ZNF585A: variants seen among roughly 807,000 people sequenced by gnomAD.
ZNF585A encodes the protein zinc finger protein 585A.
ZNF585A carries 9 observed loss-of-function variants against 14.9 expected under a neutral mutation model. That is an observed-to-expected ratio of 0.60 (90% CI 0.36 to 1.05). ZNF585A has a LOEUF of 1.05. ZNF585A is among the 50% of genes least tolerant of loss of function. ZNF585A has a pLI of 0.01. For missense variants in ZNF585A, 726 were observed against 926.4 expected (o/e 0.78, Z 2.81); for synonymous variants, 276 against 319.9 (o/e 0.86, Z 1.46).
Position 37,155,853 on chromosome 19 carries a change from C to G in ZNF585A, c.292+12G>C. ...ATCTCCCATCTACCGGATTCACACT[C>G]GCTTCACTCACCTGGGCAGCTCTGA... is the stretch of plus-strand genomic sequence containing the variant. On this transcript the variant is annotated intron_variant, in intron 4 of 4. Transcript: ENST00000292841. The G allele has an allele frequency of 6.2e-7, 1 of 1,612,136 alleles. No homozygotes were observed. The highest frequency in any genetic ancestry group is 8.5e-7 in the Non-Finnish European group (1 of 1,179,958).
chr19:37,164,559 A>G (rs1599754217), intron 2 of ZNF585A, among the ~76,000 whole-genome samples: 1 of 151,724 alleles, frequency 6.6e-6, no homozygotes, highest in Non-Finnish European at 1.5e-5. Flanking sequence ...AAGCTATCAA[A>G]TTTTTTTCTT....
At chr19:37,172,049 CAG>C (rs1310686896) in intron 1 of ZNF585A, among the ~76,000 whole-genome samples, 4 of 152,110 alleles carry the variant, frequency 2.6e-5, no homozygotes, top group African/African-American at 9.7e-5. Context: ...TGTGAGGAGA[CAG>C]ATATATTTTT....
rs567391699 is a variant in ZNF585A, at chr19:37,147,197, A to G, written c.*4392T>C. 6.6e-6 allele frequency: 1 copy of G among 152,352 alleles called. No homozygotes were observed. The highest frequency in any genetic ancestry group is 2.4e-5 in the African/African-American group (1 of 41,562). 9.4% of individuals were successfully genotyped at this position (152,352 alleles called of 1,614,324 possible). A position where few individuals can be genotyped will look rare whatever the true frequency, so the allele number is the denominator to read the frequency against. ...GATAGTAATAGTATTTGCAATGCAA[A>G]TATCATACAAAATAAGGGAGCAGCA... On this transcript the variant is annotated 3_prime_UTR_variant, in exon 5 of 5. Transcript: ENST00000292841.
At position 37,147,599 on chromosome 19, in the gene ZNF585A, G is replaced by A. The variant is rs1290359237; in HGVS notation, c.*3990C>T. On this transcript the variant is annotated 3_prime_UTR_variant, in exon 5 of 5. Coordinates refer to ENST00000292841, the MANE Select transcript of ZNF585A (RefSeq NM_001288800.2). ...AAAATAAAACATATACTATAAAACA[G>A]GTACTATTATATAAAATACAAACTA... 1 of 151,744 alleles carries A rather than the reference G, an allele frequency of 6.6e-6. No homozygotes were observed. Among genetic ancestry groups the A allele is most frequent in the African/African-American group, 2.4e-5 (1 of 41,282 alleles). The allele number at this position is 151,744 out of a possible 1,614,324, so 9.4% of individuals were successfully genotyped here.
rs551723594 is a variant in ZNF585A at position 37,151,531 on chromosome 19, C to T, written c.*58G>A. The stretch of plus-strand genomic sequence containing the variant: ...AATATACATATTTTTCTGCTGCATG[C>T]GTGCAACAGTGTACAATCAGACCCA... On this transcript the variant is annotated 3_prime_UTR_variant, in exon 5 of 5. Coordinates refer to ENST00000292841, the MANE Select transcript of ZNF585A (RefSeq NM_001288800.2). 18 of 1,444,504 alleles carry T rather than the reference C, an allele frequency of 1.2e-5. No individual in the cohort carries two copies. Among genetic ancestry groups the T allele is most frequent in the African/African-American group, 1.1e-4 (8 of 70,154 alleles). The allele number at this position is 1,444,504 out of a possible 1,614,324, so 89.5% of individuals were successfully genotyped here. A position where few individuals can be genotyped will look rare whatever the true frequency, so the allele number is the denominator to read the frequency against.
chr19:37,152,620 C>T lies in ZNF585A; in HGVS notation c.1279G>A (p.Ala427Thr), dbSNP rs61733481. The T allele has an allele frequency of 0.046, 74,139 of 1,613,932 alleles. 2,914 individuals are homozygous for T. Among genetic ancestry groups the T allele is most frequent in the African/African-American group, 0.2 (14,998 of 74,916 alleles). ...TCTCCAGTATGAATTATTTGATGTG[C>T]AATCAAGTGTGCCTTCTGAATGAAG... Reference protein sequence around the residue: ...LAFIQKAHLIAHQIIHTGEKP... With the variant: ...LAFIQKAHLITHQIIHTGEKP... The change falls in exon 5 of 5, where the codon GCA (alanine) becomes ACA (threonine). Residue 427 changes from alanine to threonine, a missense_variant. Physicochemically the swap from Ala to Thr is moderately conservative, Grantham distance 58. Transcript: ENST00000292841.
At chr19:37,167,217 T>C (rs140400452) in intron 2 of ZNF585A, among the ~76,000 whole-genome samples, 8,484 of 152,210 alleles carry the variant, frequency 0.056, 342 homozygotes, top group Non-Finnish European at 0.082. Flanking sequence ...CTCTGTCGCC[T>C]GGGCTGAAGT....
Position 37,151,153 on chromosome 19 carries a change from G to T in ZNF585A, c.*436C>A. ...TCTGTTACACAATGTGTTCCACAAC[G>T]AACAACTCACATAACTTAGGATTCA... On this transcript the variant is annotated 3_prime_UTR_variant, in exon 5 of 5. Transcript: ENST00000292841. 2.5e-6 allele frequency: 1 copy of T among 394,980 alleles called. No homozygotes were observed. The allele number at this position is 394,980 out of a possible 1,614,324, so 24.5% of individuals were successfully genotyped here.
intron 2 of ZNF585A, among the ~76,000 whole-genome samples, chr19:37,162,439 A>G (rs1972026156): frequency 6.6e-6 from 1 of 152,204 alleles, no homozygotes; most frequent in African/African-American, 2.4e-5. Context: ...ACCTAAAGAC[A>G]GAAATACCAT....
rs1472002181 is a variant in ZNF585A, at chr19:37,152,143, C to T, written c.1756G>A (p.Ala586Thr). ...KPYVCTECGR[A>T]FIRKSNFITH... Reference sequence around the variant, plus strand: ...ATAAAGTTTGACTTGCGGATGAAAGCTCTTCCACACTCAGTGCATACATAG... The same window carrying T: ...ATAAAGTTTGACTTGCGGATGAAAGTTCTTCCACACTCAGTGCATACATAG... The change falls in exon 5 of 5, where the codon GCT becomes ACT. Residue 586 changes from alanine (A) to threonine (T), a missense_variant. Physicochemically the swap from Ala to Thr is moderately conservative, Grantham distance 58. Coordinates refer to ENST00000292841, the MANE Select transcript of ZNF585A (RefSeq NM_001288800.2). The T allele has an allele frequency of 2.5e-6, 4 of 1,598,518 alleles. No homozygotes were observed. The highest frequency in any genetic ancestry group is 2.6e-6 in the Non-Finnish European group (3 of 1,170,590).
At chr19:37,163,014 G>A (rs1972034524) in intron 2 of ZNF585A, among the ~76,000 whole-genome samples, 1 of 151,790 alleles carries the variant, frequency 6.6e-6, no homozygotes, top group African/African-American at 2.4e-5. Flanking sequence ...AAATGAAGAC[G>A]CATGCTCTAG....
In ZNF585A at chr19:37,153,221, G is replaced by A. The variant is rs1273481472; in HGVS notation, c.678C>T (p.Asn226=). 1.2e-6 allele frequency: 2 copies of A among 1,614,118 alleles called. No homozygotes were observed. Among genetic ancestry groups the A allele is most frequent in the Admixed American group, 1.7e-5 (1 of 60,024 alleles). The change falls in exon 5 of 5, where the codon AAC becomes AAT. Residue 226 remains asparagine (N), a synonymous_variant. Transcript: ENST00000292841. ...CSQCGKGFSY[N]SDLSIHEKIH... ...TTTTCTCATGTATACTGAGATCTGAGTTATAAGAGAAGCCTTTCCCACACT... is the reference window on the plus strand; with the variant it reads ...TTTTCTCATGTATACTGAGATCTGAATTATAAGAGAAGCCTTTCCCACACT...
intron 2 of ZNF585A, among the ~76,000 whole-genome samples, chr19:37,162,118 T>G: frequency 6.6e-6 from 1 of 152,220 alleles, no homozygotes; most frequent in East Asian, 1.9e-4. Flanking sequence ...GAGATGGGGT[T>G]TCACCATGTT....
intron 2 of ZNF585A, among the ~76,000 whole-genome samples, chr19:37,162,387 T>C (rs968149165): frequency 6.6e-6 from 1 of 152,206 alleles, no homozygotes; most frequent in Non-Finnish European, 1.5e-5. Flanking sequence ...GAGTGTAAAT[T>C]AGTTCAGGCC....
intron 2 of ZNF585A, among the ~76,000 whole-genome samples, chr19:37,163,302 TA>T (rs1243665183): frequency 6.7e-6 from 1 of 149,888 alleles, no homozygotes; most frequent in African/African-American, 2.5e-5. Flanking sequence ...ACACTAGAAA[TA>T]AATTGACATA....
chr19:37,155,884 C>G lies in ZNF585A; in HGVS notation c.273G>C (p.Arg91Ser), dbSNP rs772783508. 6.2e-7 allele frequency: 1 copy of G among 1,612,176 alleles called. No homozygotes were observed. Among genetic ancestry groups the G allele is most frequent in the African/African-American group, 1.3e-5 (1 of 74,848 alleles). ...GKEPWALQGE[R>S]PRQSCPGEKL... ...ACTCACCTGGGCAGCTCTGACGTGGCCTCTCACCCTGCAGTGCCCATGGTT... is the reference window on the plus strand; with the variant it reads ...ACTCACCTGGGCAGCTCTGACGTGGGCTCTCACCCTGCAGTGCCCATGGTT... Residue 91 changes from arginine to serine, a missense_variant, in exon 4 of 5, where the codon AGG becomes AGC. By Grantham distance (110) the Arg-to-Ser change is moderately radical. Coordinates refer to ENST00000292841, the MANE Select transcript of ZNF585A (RefSeq NM_001288800.2).
At chr19:37,159,971 G>A (rs1375431203) in intron 2 of ZNF585A, among the ~76,000 whole-genome samples, 2 of 152,074 alleles carry the variant, frequency 1.3e-5, no homozygotes, top group Non-Finnish European at 2.9e-5. Context: ...GAAATTTATA[G>A]TACTAAAGGA....
At position 37,151,657 on chromosome 19, in the gene ZNF585A, A is replaced by T. The variant is rs1443852976; in HGVS notation, c.2242T>A (p.Cys748Ser). Residue 748 changes from cysteine to serine, a missense_variant, in exon 5 of 5, where the codon TGT becomes AGT. By Grantham distance (112) the Cys-to-Ser change is moderately radical (BLOSUM62 -1). Transcript: ENST00000292841. ...TTHTGDKPYK[C>S]GICGKGFVQK... ...ACGAAGCCTTTCCCACAGATGCCAC[A>T]CTTGTAGGGTTTGTCTCCAGTGTGT... 6.2e-7 allele frequency: 1 copy of T among 1,614,168 alleles called. No individual in the cohort carries two copies. Among genetic ancestry groups the T allele is most frequent in the Admixed American group, 1.7e-5 (1 of 60,028 alleles).
chr19:37,155,955 A>G lies in ZNF585A; in HGVS notation c.202T>C (p.Tyr68His). Residue 68 changes from tyrosine (Y) to histidine (H), a missense_variant and splice_region_variant, in exon 4 of 5, where the codon TAT becomes CAT. Around this residue, in one of 2 missense-constraint regions of ZNF585A, gnomAD observed 483 missense variants for 542.8 expected, o/e 0.89. Coordinates refer to ENST00000292841, the MANE Select transcript of ZNF585A (RefSeq NM_001288800.2). Reference protein sequence around the residue: ...ETYSHLLSVGYQVPEAEVVML... With the variant: ...ETYSHLLSVGHQVPEAEVVML... ...ACCACCTCTGCTTCAGGAACTTGAT[A>G]TCCTGTTCATGGGAAATGATAAAGG... 1 of 1,613,666 alleles carries G rather than the reference A, an allele frequency of 6.2e-7. No homozygotes were observed. Among genetic ancestry groups the G allele is most frequent in the South Asian group, 1.1e-5 (1 of 91,048 alleles).
Sources: gnomAD v4.1 joint callset for allele counts (sites outside exome capture counted in the v4.1 genomes callset) on GRCh38, gnomAD v4.1.1 for gene constraint, gnomAD v4.1.1 regional missense constraint, MANE v1.5 for transcripts, NCBI Gene and HGNC (gene_info 2026-07-23, HGNC 2026-07-21) for gene names.